Variants in PLEKHS1 observed in about 807,000 individuals in gnomAD.
PLEKHS1 encodes the protein pleckstrin homology domain-containing family S member 1.
In PLEKHS1, 55 loss-of-function variants were observed where a neutral mutation model predicts 51.0. That is an observed-to-expected ratio of 1.08 (90% CI 0.87 to 1.35). The LOEUF is 1.35. Ranked by LOEUF, PLEKHS1 falls within the 40% of genes most tolerant of loss-of-function variation. The pLI is 0.00. For synonymous variants in PLEKHS1, 153 were observed against 144.8 expected, an observed-to-expected ratio of 1.06 and a Z score of -0.41; for missense variants, 398 against 423.0, an observed-to-expected ratio of 0.94 and a Z score of 0.52.
At chr10:113,754,639 C>T (rs536814790) in intron 1 of PLEKHS1, among the ~76,000 whole-genome samples, 2 of 152,130 alleles carry the variant, frequency 1.3e-5, no homozygotes, top group Non-Finnish European at 2.9e-5. Context: ...GTGCCCACCA[C>T]CACACCCGGC....
intron 5 of PLEKHS1, among the ~76,000 whole-genome samples, chr10:113,767,702 C>T (rs1386662917): frequency 6.6e-6 from 1 of 152,124 alleles, no homozygotes; most frequent in African/African-American, 2.4e-5. Context: ...CTTTGAACAA[C>T]AGAAATTTAT....
chr10:113,780,475 A>G, intron 11 of PLEKHS1, 127 bp from the exon 13 acceptor site: 1 of 862,484 alleles, frequency 1.2e-6, no homozygotes, highest in Non-Finnish European at 1.8e-6. Flanking sequence ...TCTGGCCCAG[A>G]TATTACAGTT....
intron 10 of PLEKHS1, 40 bp from the exon 11 acceptor site, chr10:113,775,725 C>A: frequency 1.4e-6 from 2 of 1,426,046 alleles, no homozygotes; most frequent in South Asian, 2.5e-5. Flanking sequence ...GAGCCAAGGT[C>A]AGTTGCCTGA....
exon 12 of PLEKHS1, chr10:113,781,995 G>A (rs1316866286): frequency 6.6e-6 from 1 of 152,248 alleles, no homozygotes; most frequent in East Asian, 1.9e-4. Context: ...AGCAATAACA[G>A]AACTACTTAG....
intron 8 of PLEKHS1, among the ~76,000 whole-genome samples, chr10:113,772,934 T>C (rs969373817): frequency 3.9e-5 from 6 of 152,106 alleles, no homozygotes; most frequent in Non-Finnish European, 7.4e-5. Flanking sequence ...ACCTGAATTA[T>C]CCTCCATTAG....
exon 12 of PLEKHS1, chr10:113,781,211 T>A (rs1844855566): frequency 7.9e-6 from 1 of 125,922 alleles, no homozygotes; most frequent in Admixed American, 7.6e-5. Context: ...CCCAAACACC[T>A]CCTTCCCAAC....
intron 11 of PLEKHS1, chr10:113,777,697 A>G: frequency 1.3e-6 from 2 of 1,524,992 alleles, no homozygotes; most frequent in Non-Finnish European, 1.8e-6. Context: ...TGCTCAATAA[A>G]GCTACTAGTT....
exon 7 of PLEKHS1, chr10:113,769,852 A>G (rs753875356): frequency 3.1e-6 from 5 of 1,614,148 alleles, no homozygotes; most frequent in Admixed American, 3.3e-5. Context: ...CTTCCAGCAC[A>G]TCAGAGGCTG....
chr10:113,758,115 G>A (rs534315281), intron 2 of PLEKHS1, among the ~76,000 whole-genome samples: 1 of 152,282 alleles, frequency 6.6e-6, no homozygotes, highest in South Asian at 2.1e-4. Flanking sequence ...TCCTGTTGAT[G>A]TTGATATTTT....
chr10:113,777,079 C>A, intron 11 of PLEKHS1, 45 bp from the exon 12 acceptor site: 1 of 1,604,540 alleles, frequency 6.2e-7, no homozygotes. Flanking sequence ...CCCTCCTGGC[C>A]AGCTGAGCCT....
At chr10:113,780,907 C>T in exon 12 of PLEKHS1, 1 of 820,928 alleles carries the variant, frequency 1.2e-6, no homozygotes, top group East Asian at 2.7e-5. Context: ...TGCATCTTAA[C>T]AATGGGGATG....
rs1255497115 is a variant in PLEKHS1 at position 113,777,583 on chromosome 10, T to G, written c.1091+1717T>G. On this transcript the variant is annotated intron_variant, in intron 11 of 11. Coordinates refer to ENST00000361048, the Ensembl canonical transcript of PLEKHS1. ...CTCCTTCAACCAATTTGTGCCTCAG[T>G]TTTCTTTTCTGTAAAATTATGACTA... 3.2e-6 allele frequency: 5 copies of G among 1,550,446 alleles called. No homozygotes were observed. The Admixed American group carries it at 9.8e-5, about 30-fold the overall frequency.
At chr10:113,769,612 G>C (rs1844308243) in intron 6 of PLEKHS1, among the ~76,000 whole-genome samples, 172 bp from the exon 7 acceptor site, 1 of 152,202 alleles carries the variant, frequency 6.6e-6, no homozygotes, top group Non-Finnish European at 1.5e-5. Context: ...TTGGAAACAG[G>C]AGAGAGACAA....
chr10:113,768,598 C>G (rs548780583), intron 5 of PLEKHS1, among the ~76,000 whole-genome samples: 1 of 152,220 alleles, frequency 6.6e-6, no homozygotes, highest in Non-Finnish European at 1.5e-5. Flanking sequence ...TTCTACTTTT[C>G]TTCCCTTTCT....
exon 12 of PLEKHS1, chr10:113,780,829 C>T: frequency 6.8e-7 from 1 of 1,480,102 alleles, no homozygotes; most frequent in Non-Finnish European, 9.0e-7. Flanking sequence ...CTGGGACTGT[C>T]CAGCTCTGCC....
At chr10:113,753,968 C>T (rs530768275) in intron 1 of PLEKHS1, among the ~76,000 whole-genome samples, 12 of 152,090 alleles carry the variant, frequency 7.9e-5, no homozygotes, top group South Asian at 2.1e-4. Context: ...CCACCACGCT[C>T]GGCCAATTTT....
At chr10:113,767,316 G>C (rs1247053200) in intron 4 of PLEKHS1, 29 bp from the exon 5 acceptor site, 1 of 1,530,800 alleles carries the variant, frequency 6.5e-7, no homozygotes, top group Non-Finnish European at 8.8e-7. Flanking sequence ...ATTTACCTTG[G>C]TTTAATACTT....
rs148376009 is a variant in PLEKHS1, at chr10:113,755,933, G to T, written c.28+628G>T. Among the ~76,000 whole-genome samples the T allele has an allele frequency of 2.6e-5, 4 of 152,266 alleles. No homozygotes were observed. In the South Asian group the frequency reaches 6.2e-4, roughly 24 times the overall value. The stretch of plus-strand genomic sequence containing the variant: ...CTGGAGAACATTTTCTTAATTTTAC[G>T]TGAAACTCACACTTAGAGAAGTGCC... On this transcript the variant is annotated intron_variant, in intron 2 of 11. Coordinates refer to ENST00000361048, the Ensembl canonical transcript of PLEKHS1.
At chr10:113,754,257 C>A (rs1853993574) in intron 1 of PLEKHS1, among the ~76,000 whole-genome samples, 1 of 152,180 alleles carries the variant, frequency 6.6e-6, no homozygotes. Context: ...TGCTTCCTCC[C>A]CCATCTTACT....
Sources: gnomAD v4.1 joint callset for allele counts (sites outside exome capture counted in the v4.1 genomes callset) on GRCh38, gnomAD v4.1.1 for gene constraint, MANE v1.5 for transcripts, NCBI Gene and HGNC (gene_info 2026-07-23, HGNC 2026-07-21) for gene names.